Variants in GLYR1 observed in about 807,000 individuals in gnomAD.
GLYR1 encodes the protein glyoxylate reductase 1 homolog, also known as cytokine-like nuclear factor N-PAC.
In GLYR1, 21 loss-of-function variants were observed where a neutral mutation model predicts 72.7. The ratio of observed to expected loss-of-function variants is 0.29; its 90% CI spans 0.20 to 0.42. The LOEUF (loss-of-function observed/expected upper bound fraction) is 0.42. Among genes scored for constraint, GLYR1 ranks in the 10% least tolerant of loss-of-function variants. The probability of loss-of-function intolerance (pLI) is 1.00; values close to 1 mark genes in which losing one functional copy is unlikely to be tolerated. For missense variants in GLYR1, 594 were observed against 712.1 expected (o/e 0.83, Z 1.89); for synonymous variants, 392 against 270.2 (o/e 1.45, Z -4.42).
At chr16:4,814,685 G>C (rs770773759) in intron 10 of GLYR1, 38 bp from the exon 11 acceptor site, 3 of 1,486,676 alleles carry the variant, frequency 2.0e-6, no homozygotes, top group Non-Finnish European at 2.8e-6. Flanking sequence ...GCTGCAGGCA[G>C]TGCACAACAA....
At chr16:4,834,859 CCA>C (rs2085033963) in intron 3 of GLYR1, among the ~76,000 whole-genome samples, 1 of 152,134 alleles carries the variant, frequency 6.6e-6, no homozygotes, top group South Asian at 2.1e-4. Flanking sequence ...GATTTCGACC[CCA>C]GATTTTCTGG....
chr16:4,823,742 C>CAAAAA, intron 6 of GLYR1, 79 bp downstream of exon 6: 14 of 774,198 alleles, frequency 1.8e-5, no homozygotes, highest in South Asian at 1.1e-4. Flanking sequence ...AAGAAAGGGA[C>CAAAAA]AAAAAAAAAA....
rs1198761496 is a variant in GLYR1 at position 4,813,855 on chromosome 16, G to A, written c.1018-17C>T. On this transcript the variant is annotated splice_polypyrimidine_tract_variant and intron_variant, in intron 11 of 15. Transcript: ENST00000321919. ...CAGCACCAGCTGTGGGGACACAAGG[G>A]AGAAGCAATAGCCCAGGCTCCCGGG... 5 of 1,596,858 alleles carry A rather than the reference G, an allele frequency of 3.1e-6. No individual in the cohort carries two copies. The highest frequency in any genetic ancestry group is 1.1e-5 in the South Asian group (1 of 89,344).
Position 4,813,852 on chromosome 16 carries a change from A to G in GLYR1, c.1018-14T>C. On this transcript the variant is annotated splice_polypyrimidine_tract_variant and intron_variant, in intron 11 of 15. Coordinates refer to ENST00000321919, the MANE Select transcript of GLYR1 (RefSeq NM_032569.4). ...GCCCAGCACCAGCTGTGGGGACACAAGGGAGAAGCAATAGCCCAGGCTCCC... is the reference window on the plus strand; with the variant it reads ...GCCCAGCACCAGCTGTGGGGACACAGGGGAGAAGCAATAGCCCAGGCTCCC... 1 of 1,599,290 alleles carries G rather than the reference A, an allele frequency of 6.3e-7. No individual in the cohort carries two copies. The highest frequency in any genetic ancestry group is 8.5e-7 in the Non-Finnish European group (1 of 1,170,750).
intron 12 of GLYR1, among the ~76,000 whole-genome samples, chr16:4,813,289 G>C (rs1348385616): frequency 1.3e-5 from 2 of 152,144 alleles, no homozygotes; most frequent in East Asian, 1.9e-4. Flanking sequence ...CCAACAACTA[G>C]AACCAGATGT....
Position 4,832,087 on chromosome 16 carries a change from T to TCCTTCTCCCATGTTCTTCTTC in GLYR1, c.408_428dup (p.Asn139_Lys145dup). The stretch of plus-strand genomic sequence containing the variant: ...AAGAGCCTGAAGACACCCTCTTCTT[T>TCCTTCTCCCATGTTCTTCTTC]CCTTCTCCCATGTTCTTCTTCACCT... On this transcript the variant is annotated inframe_insertion, in exon 5 of 16. Coordinates refer to ENST00000321919, the MANE Select transcript of GLYR1 (RefSeq NM_032569.4). The TCCTTCTCCCATGTTCTTCTTC allele has an allele frequency of 2.5e-6, 4 of 1,614,212 alleles. No homozygotes were observed. Among genetic ancestry groups the TCCTTCTCCCATGTTCTTCTTC allele is most frequent in the Non-Finnish European group, 3.4e-6 (4 of 1,180,046 alleles).
At chr16:4,846,402 T>A (rs1460423588) in intron 1 of GLYR1, among the ~76,000 whole-genome samples, 192 bp from the exon 2 acceptor site, 1 of 152,220 alleles carries the variant, frequency 6.6e-6, no homozygotes, top group Non-Finnish European at 1.5e-5. Flanking sequence ...ACAACGCATA[T>A]CCATTCTTCT....
intron 5 of GLYR1, among the ~76,000 whole-genome samples, chr16:4,826,313 C>T (rs2084376979): frequency 6.6e-6 from 1 of 152,126 alleles, no homozygotes. Context: ...GCTATGTTGG[C>T]CAGACTGGTC....
chr16:4,831,581 C>G (rs1374490743), intron 5 of GLYR1, among the ~76,000 whole-genome samples: 1 of 152,268 alleles, frequency 6.6e-6, no homozygotes, highest in Non-Finnish European at 1.5e-5. Flanking sequence ...CCCTTGTGCA[C>G]CGGCTCAAGT....
Position 4,804,654 on chromosome 16 carries a change from T to C in GLYR1, c.*582A>G, listed in dbSNP as rs1266537241. 1 of 157,230 alleles carries C rather than the reference T, an allele frequency of 6.4e-6. No homozygotes were observed. The highest frequency in any genetic ancestry group is 1.8e-4 in the East Asian group (1 of 5,452). 9.7% of individuals were successfully genotyped at this position (157,230 alleles called of 1,614,324 possible). On this transcript the variant is annotated 3_prime_UTR_variant, in exon 16 of 16. Coordinates refer to ENST00000321919, the MANE Select transcript of GLYR1 (RefSeq NM_032569.4). ...CACACTGGACGCTTAGACGTGAACA[T>C]CTTTCTCAGCTCATCACCTGAGGTT...
intron 5 of GLYR1, among the ~76,000 whole-genome samples, chr16:4,824,646 G>C (rs2084265966): frequency 6.6e-6 from 1 of 152,106 alleles, no homozygotes; most frequent in Non-Finnish European, 1.5e-5. Flanking sequence ...TTAAACTCCA[G>C]GGTGGCCAGA....
chr16:4,811,880 C>T, intron 13 of GLYR1, 78 bp from the exon 14 acceptor site: 1 of 1,508,744 alleles, frequency 6.6e-7, no homozygotes, highest in East Asian at 2.4e-5. Context: ...CACCTCTGCT[C>T]AGACCCACCT....
At chr16:4,847,179 G>A (rs1393764443) in intron 1 of GLYR1, 49 bp downstream of exon 1, 4 of 1,549,440 alleles carry the variant, frequency 2.6e-6, no homozygotes, top group Admixed American at 1.8e-5. Flanking sequence ...CCGCGCCCAG[G>A]CGGGTAGCTC....
chr16:4,809,680 T>C (rs1405178083), intron 15 of GLYR1, among the ~76,000 whole-genome samples: 1 of 150,742 alleles, frequency 6.6e-6, no homozygotes, highest in African/African-American at 2.4e-5. Context: ...TCCCAGCACT[T>C]TGGGAGGCTG....
intron 9 of GLYR1, among the ~76,000 whole-genome samples, chr16:4,819,163 T>A (rs577063456): frequency 3.9e-5 from 6 of 152,234 alleles, no homozygotes; most frequent in Admixed American, 2.6e-4. Context: ...TTATAGTTTT[T>A]AATTTTTATT....
Position 4,811,251 on chromosome 16 carries a change from G to A in GLYR1, c.1506C>T (p.Tyr502=), listed in dbSNP as rs765185953. Residue 502 remains tyrosine (Y), a synonymous_variant, in exon 15 of 16, where the codon TAC becomes TAT. Coordinates refer to ENST00000321919, the MANE Select transcript of GLYR1 (RefSeq NM_032569.4). ...TGGCTAAGCGGAGATCCTTCTGAAT[G>A]TATTTCAGGTAGAAATCAGGCTTAA... ...GNFKPDFYLK[Y]IQKDLRLAIA... 6.2e-7 allele frequency: 1 copy of A among 1,614,172 alleles called. No individual in the cohort carries two copies. Among genetic ancestry groups the A allele is most frequent in the Non-Finnish European group, 8.5e-7 (1 of 1,180,012 alleles).
chr16:4,842,771 C>T (rs889517002), intron 3 of GLYR1, among the ~76,000 whole-genome samples: 2 of 152,142 alleles, frequency 1.3e-5, no homozygotes, highest in Non-Finnish European at 2.9e-5. Flanking sequence ...GCGATCTCAG[C>T]TCACTGCAAC....
chr16:4,820,743 G>C (rs1018293334), intron 9 of GLYR1, among the ~76,000 whole-genome samples: 1 of 152,202 alleles, frequency 6.6e-6, no homozygotes, highest in Non-Finnish European at 1.5e-5. Context: ...CCTAGAAAAG[G>C]TATCTTTTTG....
chr16:4,831,389 C>G (rs17137307), intron 5 of GLYR1, among the ~76,000 whole-genome samples: 2 of 152,192 alleles, frequency 1.3e-5, no homozygotes, highest in African/African-American at 4.8e-5. Flanking sequence ...TTTAGTACCA[C>G]GCTGCTTCAG....
Sources: gnomAD v4.1 joint callset for allele counts (sites outside exome capture counted in the v4.1 genomes callset) on GRCh38, gnomAD v4.1.1 for gene constraint, MANE v1.5 for transcripts, NCBI Gene and HGNC (gene_info 2026-07-23, HGNC 2026-07-21) for gene names.